ZNF184: variants seen among roughly 807,000 people sequenced by gnomAD.
ZNF184 encodes the protein zinc finger protein 184 (Kruppel-like).
A neutral mutation model predicts 54.4 loss-of-function variants in ZNF184; 16 were observed. The observed-to-expected ratio is 0.29, with a 90% CI of 0.20 to 0.45. ZNF184 has a LOEUF of 0.45. ZNF184 is among the 20% of genes least tolerant of loss of function. The probability of loss-of-function intolerance (pLI) is 1.00; values close to 1 mark genes in which losing one functional copy is unlikely to be tolerated. For missense variants in ZNF184, 681 were observed against 888.2 expected, an observed-to-expected ratio of 0.77 and a Z score of 2.97; for synonymous variants, 254 against 295.3, an observed-to-expected ratio of 0.86 and a Z score of 1.43.
chr6:27,438,681 A>G, the ZNF184 span, among the ~76,000 whole-genome samples: 5 of 152,216 alleles, frequency 3.3e-5, no homozygotes, highest in Admixed American at 2.6e-4. Context: ...ATATTAGCAA[A>G]TTAAAATGAA....
intron 3 of ZNF184, among the ~76,000 whole-genome samples, chr6:27,461,208 C>CATT (rs778089862): frequency 6.6e-6 from 1 of 152,166 alleles, no homozygotes. Flanking sequence ...CCTGGGTAGA[C>CATT]ATTCTTCATG....
In ZNF184 at chr6:27,451,981, TTGAGTA is replaced by T; in HGVS notation, c.1572_1577del (p.His524_Thr525del). ...ATTCTTTACATTCATAAGCTTTCTC[TTGAGTA>T]TGAGTTTTCTGATGCTGATTAAGGT... On this transcript the variant is annotated inframe_deletion, in exon 6 of 6. Coordinates refer to ENST00000683788, the MANE Select transcript of ZNF184 (RefSeq NM_001318891.2). 1 of 1,613,740 alleles carries T rather than the reference TTGAGTA, an allele frequency of 6.2e-7. No individual in the cohort carries two copies. Among genetic ancestry groups the T allele is most frequent in the South Asian group, 1.1e-5 (1 of 91,066 alleles).
At chr6:27,456,263 A>AGG (rs1762851356) in intron 5 of ZNF184, among the ~76,000 whole-genome samples, 1 of 90,214 alleles carries the variant, frequency 1.1e-5, no homozygotes, top group African/African-American at 3.6e-5. Flanking sequence ...GTTTCAAAAA[A>AGG]AGAAAAAAAA....
chr6:27,464,049 C>T (rs10807025), intron 3 of ZNF184, among the ~76,000 whole-genome samples: 1 of 151,968 alleles, frequency 6.6e-6, no homozygotes, highest in Non-Finnish European at 1.5e-5. Flanking sequence ...AGACATCACT[C>T]GTCTCAACCC....
the ZNF184 span, among the ~76,000 whole-genome samples, chr6:27,442,597 A>AAGCAAGAAAGCAAGTAAGCT: frequency 6.6e-6 from 1 of 151,834 alleles, no homozygotes. Context: ...ACCCTGTTGA[A>AAGCAAGAAAGCAAGTAAGCT]AGCAAGAAAG....
At chr6:27,442,312 T>C in the ZNF184 span, among the ~76,000 whole-genome samples, 2 of 152,178 alleles carry the variant, frequency 1.3e-5, no homozygotes, top group South Asian at 2.1e-4. Flanking sequence ...CAACCAGTTA[T>C]GCAATTTTAA....
At chr6:27,445,807 T>C (rs1445646919), downstream of ZNF184, among the ~76,000 whole-genome samples, 1 of 151,310 alleles carries the variant, frequency 6.6e-6, no homozygotes, top group Non-Finnish European at 1.5e-5. Context: ...TATTGGAAAC[T>C]AGAGTAAAGG....
chr6:27,471,691 G>A (rs1763280808), intron 2 of ZNF184, among the ~76,000 whole-genome samples: 1 of 143,462 alleles, frequency 7.0e-6, no homozygotes, highest in South Asian at 2.2e-4. Flanking sequence ...AATTTATGAG[G>A]AGGAGTTGTA....
At chr6:27,438,836 A>T in the ZNF184 span, among the ~76,000 whole-genome samples, 1 of 152,220 alleles carries the variant, frequency 6.6e-6, no homozygotes, top group Non-Finnish European at 1.5e-5. Context: ...AGCCAAAATT[A>T]TAAATTTTAG....
the ZNF184 span, among the ~76,000 whole-genome samples, chr6:27,435,301 T>C: frequency 6.6e-6 from 1 of 152,194 alleles, no homozygotes; most frequent in Admixed American, 6.5e-5. Flanking sequence ...TTACCATTCA[T>C]TTATGTCTTA....
At chr6:27,427,172 T>C in the ZNF184 span, among the ~76,000 whole-genome samples, 15 of 151,464 alleles carry the variant, frequency 9.9e-5, no homozygotes, top group African/African-American at 2.7e-4. Context: ...TATTTGCTTA[T>C]GTCTTTACCA....
the ZNF184 span, chr6:27,407,628 G>T: frequency 1.7e-6 from 1 of 592,568 alleles, no homozygotes; most frequent in Non-Finnish European, 3.1e-6. Flanking sequence ...ATAACAAGTG[G>T]AGGTGTGTGC....
At chr6:27,468,349 C>A (rs1213299525) in intron 2 of ZNF184, among the ~76,000 whole-genome samples, 1 of 152,208 alleles carries the variant, frequency 6.6e-6, no homozygotes, top group Non-Finnish European at 1.5e-5. Flanking sequence ...ACCCACCCAA[C>A]AGAATGTCTT....
At chr6:27,466,716 G>A (rs1162225749) in intron 3 of ZNF184, among the ~76,000 whole-genome samples, 1 of 152,098 alleles carries the variant, frequency 6.6e-6, no homozygotes, top group African/African-American at 2.4e-5. Context: ...CTGAAAGTGG[G>A]AAGAACTGGT....
In ZNF184 at chr6:27,451,142, T is replaced by C. The variant is rs1166880913; in HGVS notation, c.*161A>G. The C allele has an allele frequency of 2.7e-6, 2 of 741,574 alleles. No individual in the cohort carries two copies. The highest frequency in any genetic ancestry group is 2.0e-6 in the Non-Finnish European group (1 of 494,860). The allele number at this position is 741,574 out of a possible 1,614,324, so 45.9% of individuals were successfully genotyped here. A position where few individuals can be genotyped will look rare whatever the true frequency, so the allele number is the denominator to read the frequency against. Reference sequence around the variant, plus strand: ...ATGTCACAGAGTGGCTTAATAACAATTGGATTAGTTCAGCCCAATGTACTT... The same window carrying C: ...ATGTCACAGAGTGGCTTAATAACAACTGGATTAGTTCAGCCCAATGTACTT... On this transcript the variant is annotated 3_prime_UTR_variant, in exon 6 of 6. Coordinates refer to ENST00000683788, the MANE Select transcript of ZNF184 (RefSeq NM_001318891.2).
the ZNF184 span, among the ~76,000 whole-genome samples, chr6:27,440,792 A>G: frequency 2.0e-5 from 3 of 152,046 alleles, no homozygotes; most frequent in African/African-American, 7.2e-5. Context: ...TCACGAGGTC[A>G]GGAGATCCAG....
chr6:27,425,975 C>T, the ZNF184 span, among the ~76,000 whole-genome samples: 1 of 152,194 alleles, frequency 6.6e-6, no homozygotes, highest in African/African-American at 2.4e-5. Context: ...ATTGCCTCTA[C>T]CAATTTCAAG....
chr6:27,423,974 G>T, the ZNF184 span, among the ~76,000 whole-genome samples: 1 of 152,186 alleles, frequency 6.6e-6, no homozygotes, highest in Non-Finnish European at 1.5e-5. Context: ...ATTAGTTGTT[G>T]TGTCTGGAAA....
At chr6:27,411,849 C>T in the ZNF184 span, among the ~76,000 whole-genome samples, 134 of 152,260 alleles carry the variant, frequency 8.8e-4, 1 homozygote, top group Non-Finnish European at 4.3e-4. Context: ...AGAGAAAGGC[C>T]CCTGTGGAGG....
Sources: gnomAD v4.1 joint callset for allele counts (sites outside exome capture counted in the v4.1 genomes callset) on GRCh38, gnomAD v4.1.1 for gene constraint, MANE v1.5 for transcripts, NCBI Gene and HGNC (gene_info 2026-07-23, HGNC 2026-07-21) for gene names.